MBOAT2: variants seen among roughly 807,000 people sequenced by gnomAD.
MBOAT2 encodes the protein membrane bound glycerophospholipid O-acyltransferase 2.
MBOAT2 carries 28 observed loss-of-function variants against 63.4 expected under a neutral mutation model. The observed-to-expected ratio is 0.44, with a 90% confidence interval of 0.33 to 0.61. MBOAT2 has a LOEUF of 0.61. MBOAT2 is among the 20% of genes least tolerant of loss of function. The pLI is 0.03. For missense variants in MBOAT2, 470 were observed against 605.8 expected (o/e 0.78, Z 2.35); for synonymous variants, 211 against 215.6 (o/e 0.98, Z 0.19).
At chr2:8,869,554 G>C (rs947035471) in intron 8 of MBOAT2, among the ~76,000 whole-genome samples, 4 of 152,060 alleles carry the variant, frequency 2.6e-5, no homozygotes, top group Non-Finnish European at 4.4e-5. Flanking sequence ...ATACAGACAT[G>C]TATCCTTAAA....
intron 1 of MBOAT2, among the ~76,000 whole-genome samples, chr2:8,969,121 G>C (rs999220105): frequency 9.2e-5 from 14 of 152,164 alleles, no homozygotes; most frequent in African/African-American, 2.4e-4. Context: ...CAGCCAGAGA[G>C]AAAGGTCGGG....
intron 4 of MBOAT2, among the ~76,000 whole-genome samples, chr2:8,891,836 A>G (rs1331368731): frequency 2.0e-5 from 3 of 152,336 alleles, no homozygotes; most frequent in Non-Finnish European, 4.4e-5. Flanking sequence ...ATAGGACAAC[A>G]TTAGTATATT....
At chr2:8,909,858 C>T (rs1665586043) in intron 3 of MBOAT2, among the ~76,000 whole-genome samples, 1 of 152,184 alleles carries the variant, frequency 6.6e-6, no homozygotes, top group Non-Finnish European at 1.5e-5. Context: ...TGGCAGACTG[C>T]ACTTTCCAAA....
intron 3 of MBOAT2, among the ~76,000 whole-genome samples, chr2:8,928,438 G>A (rs1207890742): frequency 6.6e-6 from 1 of 152,142 alleles, no homozygotes; most frequent in Non-Finnish European, 1.5e-5. Flanking sequence ...GAAGACTACA[G>A]AGCCAGCTAC....
intron 2 of MBOAT2, among the ~76,000 whole-genome samples, chr2:8,945,664 GA>G (rs1301947615): frequency 1.3e-5 from 2 of 152,154 alleles, no homozygotes; most frequent in African/African-American, 4.8e-5. Context: ...CAGCCGGGTA[GA>G]ATGGAACCCC....
intron 3 of MBOAT2, among the ~76,000 whole-genome samples, chr2:8,909,640 T>C (rs1665567078): frequency 6.6e-6 from 1 of 152,262 alleles, no homozygotes; most frequent in Non-Finnish European, 1.5e-5. Context: ...GGTGGTTTTA[T>C]GAAAGTTCTT....
At chr2:8,912,085 ATACCT>A (rs1329090020) in intron 3 of MBOAT2, among the ~76,000 whole-genome samples, 1 of 151,940 alleles carries the variant, frequency 6.6e-6, no homozygotes, top group Non-Finnish European at 1.5e-5. Context: ...TACAAGGGAC[ATACCT>A]TAATGTAATA....
At chr2:8,967,549 A>G (rs1362969223) in intron 1 of MBOAT2, among the ~76,000 whole-genome samples, 1 of 152,114 alleles carries the variant, frequency 6.6e-6, no homozygotes, top group Non-Finnish European at 1.5e-5. Context: ...TACAATAAAA[A>G]TGTCAATAGG....
intron 1 of MBOAT2, among the ~76,000 whole-genome samples, chr2:9,002,480 G>C (rs757321848): frequency 1.6e-4 from 25 of 152,214 alleles, no homozygotes; most frequent in Non-Finnish European, 3.2e-4. Context: ...TCAAGTTCAA[G>C]ACAGTGAACC....
intron 1 of MBOAT2, among the ~76,000 whole-genome samples, chr2:8,979,313 A>T (rs917419175): frequency 1.3e-5 from 2 of 152,190 alleles, no homozygotes; most frequent in Non-Finnish European, 2.9e-5. Flanking sequence ...TACACTATCT[A>T]AATGAACCAA....
rs555521617 is a variant in MBOAT2 at position 8,884,789 on chromosome 2, T to C, written c.452-2224A>G. Among the ~76,000 whole-genome samples the C allele has an allele frequency of 1.6e-4, 25 of 152,322 alleles. 1 individual carries two copies. In the South Asian group the frequency reaches 4.1e-3, roughly 25 times the overall value. ...ACAGAGCTTAAAGGATAGAGTTGCA[T>C]AGAACAAACTTGTGTCAAAAGTCTA... On this transcript the variant is annotated intron_variant, in intron 5 of 12. Coordinates refer to ENST00000305997, the MANE Select transcript of MBOAT2 (RefSeq NM_138799.4).
chr2:8,881,284 C>T (rs1394600620), intron 6 of MBOAT2, among the ~76,000 whole-genome samples: 1 of 151,776 alleles, frequency 6.6e-6, no homozygotes, highest in African/African-American at 2.4e-5. Context: ...TTTTTCTCTC[C>T]AAAAAATAAA....
intron 4 of MBOAT2, among the ~76,000 whole-genome samples, chr2:8,890,180 T>C (rs114948337): frequency 4.6e-5 from 7 of 152,294 alleles, no homozygotes; most frequent in Admixed American, 1.3e-4. Flanking sequence ...CCTCGAAGCA[T>C]TTTACAAGGA....
At chr2:8,861,412 G>A (rs1182274066) in intron 11 of MBOAT2, among the ~76,000 whole-genome samples, 1 of 152,162 alleles carries the variant, frequency 6.6e-6, no homozygotes, top group Non-Finnish European at 1.5e-5. Context: ...TATTCTGTCT[G>A]CTATGGGAGG....
intron 1 of MBOAT2, among the ~76,000 whole-genome samples, chr2:8,982,163 A>G (rs924041333): frequency 2.6e-5 from 4 of 152,154 alleles, no homozygotes; most frequent in African/African-American, 9.7e-5. Context: ...TGAAAACGCT[A>G]ATGTATGACC....
At chr2:8,968,556 A>C (rs1231237139) in intron 1 of MBOAT2, among the ~76,000 whole-genome samples, 3 of 152,376 alleles carry the variant, frequency 2.0e-5, no homozygotes, top group African/African-American at 7.2e-5. Flanking sequence ...TGAGAGAAGA[A>C]GGCTTCAGAC....
intron 7 of MBOAT2, among the ~76,000 whole-genome samples, chr2:8,874,674 G>C (rs1662576791): frequency 1.3e-5 from 2 of 152,250 alleles, no homozygotes; most frequent in East Asian, 3.9e-4. Context: ...GTATGCCCTA[G>C]GCAGAAAACT....
chr2:8,963,774 C>G (rs1669794964), intron 1 of MBOAT2, among the ~76,000 whole-genome samples: 1 of 152,134 alleles, frequency 6.6e-6, no homozygotes, highest in African/African-American at 2.4e-5. Flanking sequence ...TGCATTTATT[C>G]TGTAATTATG....
rs76710213 is a variant in MBOAT2 at position 8,858,657 on chromosome 2, A to C, written c.*22T>G. 8 of 1,530,380 alleles carry C rather than the reference A, an allele frequency of 5.2e-6. No homozygotes were observed. The South Asian group carries it at 7.3e-5, about 14-fold the overall frequency. 94.8% of individuals were successfully genotyped at this position (1,530,380 alleles called of 1,614,324 possible). A position where few individuals can be genotyped will look rare whatever the true frequency, so the allele number is the denominator to read the frequency against. On this transcript the variant is annotated 3_prime_UTR_variant, in exon 13 of 13. Coordinates refer to ENST00000305997, the MANE Select transcript of MBOAT2 (RefSeq NM_138799.4). ...TTTCTGTTAACATCAAAAAAAAAAA[A>C]CAGCCCTCAGAGCCTTCCCGATCAC...
Sources: allele counts gnomAD v4.1 joint callset (sites outside exome capture counted in the v4.1 genomes callset), GRCh38; gene constraint gnomAD v4.1.1; transcripts MANE v1.5; gene names NCBI Gene and HGNC (gene_info 2026-07-23, HGNC 2026-07-21).